Variants in CREB5 observed in about 807,000 individuals in gnomAD.
The protein encoded by CREB5 is cyclic AMP-responsive element-binding protein 5.
Under a neutral mutation model 57.1 loss-of-function variants are expected in CREB5, and 19 were observed. The observed-to-expected ratio is 0.33, with a 90% CI of 0.23 to 0.49. The LOEUF is 0.49. Ranked by LOEUF, CREB5 falls within the 20% of genes least tolerant of loss-of-function variation. The pLI is 0.99. For missense variants in CREB5, 579 were observed against 671.6 expected, an observed-to-expected ratio of 0.86 and a Z score of 1.52; for synonymous variants, 238 against 238.3, an observed-to-expected ratio of 1.00 and a Z score of 0.01.
intron 7 of CREB5, among the ~76,000 whole-genome samples, chr7:28,748,067 G>T (rs1396427083): frequency 6.6e-6 from 1 of 152,188 alleles, no homozygotes; most frequent in East Asian, 1.9e-4. Flanking sequence ...ATTTTGCTTT[G>T]TTACCTGATG....
intron 1 of CREB5, among the ~76,000 whole-genome samples, chr7:28,465,446 A>T (rs1372420489): frequency 6.6e-6 from 1 of 152,216 alleles, no homozygotes; most frequent in Non-Finnish European, 1.5e-5. Flanking sequence ...TATATCATAA[A>T]TGTATTTCCA....
At chr7:28,577,331 T>C (rs1211117454) in intron 5 of CREB5, among the ~76,000 whole-genome samples, 2 of 152,184 alleles carry the variant, frequency 1.3e-5, no homozygotes, top group Non-Finnish European at 2.9e-5. Context: ...CTCCTAGATA[T>C]GTTCACATAG....
chr7:28,697,370 C>G (rs1801630023), intron 5 of CREB5, among the ~76,000 whole-genome samples: 2 of 152,052 alleles, frequency 1.3e-5, no homozygotes, highest in African/African-American at 4.8e-5. Context: ...ACTCTGTGTC[C>G]TCATATAAAA....
intron 4 of CREB5, among the ~76,000 whole-genome samples, chr7:28,552,439 T>G (rs1420857713): frequency 6.6e-6 from 1 of 152,186 alleles, no homozygotes; most frequent in Non-Finnish European, 1.5e-5. Flanking sequence ...CCCATGTTTC[T>G]GGTCTCTGGT....
At chr7:28,488,094 C>T (rs1046159062) in intron 1 of CREB5, 81 bp from the exon 2 acceptor site, 3 of 1,279,198 alleles carry the variant, frequency 2.3e-6, no homozygotes, top group Non-Finnish European at 3.4e-6. Context: ...TGAGTGATTG[C>T]CTTTCTCACG....
chr7:28,670,341 C>G (rs987216266), intron 5 of CREB5, among the ~76,000 whole-genome samples: 6 of 152,182 alleles, frequency 3.9e-5, no homozygotes, highest in Admixed American at 3.9e-4. Flanking sequence ...CACCTGTTTT[C>G]TGACTGCAGT....
At chr7:28,429,913 A>G (rs1583452437) in intron 1 of CREB5, among the ~76,000 whole-genome samples, 2 of 152,230 alleles carry the variant, frequency 1.3e-5, no homozygotes, top group East Asian at 3.9e-4. Context: ...CGCTGCCTCC[A>G]GCCTCATCCT....
chr7:28,621,177 T>C (rs572590542), intron 5 of CREB5, among the ~76,000 whole-genome samples: 106 of 151,200 alleles, frequency 7.0e-4, no homozygotes, highest in African/African-American at 2.4e-3. Flanking sequence ...TTGGCTGGCC[T>C]TGGGGATTCG....
At chr7:28,411,283 G>A (rs567892303), upstream of CREB5, among the ~76,000 whole-genome samples, 3 of 152,244 alleles carry the variant, frequency 2.0e-5, no homozygotes, top group South Asian at 6.2e-4. Context: ...AGCAGAAGAG[G>A]GATGCTGACA....
At chr7:28,514,438 C>G (rs1236090057) in intron 4 of CREB5, among the ~76,000 whole-genome samples, 1 of 152,010 alleles carries the variant, frequency 6.6e-6, no homozygotes. Flanking sequence ...CTCTGTGGCC[C>G]AGGCTGGAGT....
intron 7 of CREB5, among the ~76,000 whole-genome samples, chr7:28,788,865 C>T (rs1807490386): frequency 6.6e-6 from 1 of 150,912 alleles, no homozygotes; most frequent in African/African-American, 2.4e-5. Context: ...CATTTAATGA[C>T]GAGCCTCAGT....
intron 1 of CREB5, among the ~76,000 whole-genome samples, chr7:28,445,820 G>A (rs1364666264): frequency 2.0e-5 from 3 of 152,078 alleles, no homozygotes; most frequent in Non-Finnish European, 4.4e-5. Flanking sequence ...CAAAGTGCTG[G>A]GATTACAGGC....
chr7:28,551,853 T>A (rs1157344940), intron 4 of CREB5, among the ~76,000 whole-genome samples: 2 of 148,512 alleles, frequency 1.3e-5, no homozygotes, highest in South Asian at 4.3e-4. Context: ...TTTTCTTTCT[T>A]TCTTTTCTTT....
At chr7:28,715,320 T>C (rs1802625359) in intron 5 of CREB5, among the ~76,000 whole-genome samples, 1 of 152,212 alleles carries the variant, frequency 6.6e-6, no homozygotes, top group African/African-American at 2.4e-5. Context: ...AATTTAAATG[T>C]CTCTGAATTC....
intron 5 of CREB5, among the ~76,000 whole-genome samples, chr7:28,637,534 G>A (rs1798472189): frequency 6.6e-6 from 1 of 152,220 alleles, no homozygotes; most frequent in African/African-American, 2.4e-5. Context: ...AGGGGCAGAA[G>A]GGGAGGGAGA....
intron 1 of CREB5, among the ~76,000 whole-genome samples, chr7:28,416,341 A>G (rs2128006297): frequency 6.6e-6 from 1 of 152,356 alleles, no homozygotes; most frequent in Admixed American, 6.5e-5. Flanking sequence ...ACATGCAACA[A>G]CAACAACAAC....
rs932807841 is a variant in CREB5, at chr7:28,820,208, C to A, written c.*929C>A. 1 of 152,538 alleles carries A rather than the reference C, an allele frequency of 6.6e-6. No individual in the cohort carries two copies. Among genetic ancestry groups the A allele is most frequent in the Non-Finnish European group, 1.5e-5 (1 of 68,028 alleles). The allele number at this position is 152,538 out of a possible 1,614,324, so 9.4% of individuals were successfully genotyped here. A position where few individuals can be genotyped will look rare whatever the true frequency, so the allele number is the denominator to read the frequency against. On this transcript the variant is annotated 3_prime_UTR_variant, in exon 11 of 11. Transcript: ENST00000357727. ...CATGGTTGAATACCAGCTGGGGAGA[C>A]ACTAGGGAAGGGAGCTTTGTAAGCC... is the stretch of plus-strand genomic sequence containing the variant.
At chr7:28,470,601 A>G (rs1016163423) in intron 1 of CREB5, among the ~76,000 whole-genome samples, 1 of 152,162 alleles carries the variant, frequency 6.6e-6, no homozygotes, top group African/African-American at 2.4e-5. Context: ...CAGCAGTAGG[A>G]TTGCTGGGTC....
intron 1 of CREB5, among the ~76,000 whole-genome samples, chr7:28,368,705 T>A (rs1165922487): frequency 6.6e-6 from 1 of 152,220 alleles, no homozygotes. Flanking sequence ...CCTGACCACA[T>A]GCTAGCTCAT....
Sources: allele counts gnomAD v4.1 joint callset (sites outside exome capture counted in the v4.1 genomes callset), GRCh38; gene constraint gnomAD v4.1.1; transcripts MANE v1.5; gene names NCBI Gene and HGNC (gene_info 2026-07-23, HGNC 2026-07-21).